SNX18: variants seen among roughly 807,000 people sequenced by gnomAD.
SNX18 encodes sorting nexin 18.
SNX18 carries 35 observed loss-of-function variants against 48.7 expected under a neutral mutation model. The ratio of observed to expected loss-of-function variants is 0.72; its 90% CI spans 0.55 to 0.95. The LOEUF (loss-of-function observed/expected upper bound fraction) is 0.95. Ranked by LOEUF, SNX18 falls within the 40% of genes least tolerant of loss-of-function variation. The pLI is 0.00. For synonymous variants in SNX18, 492 were observed against 384.7 expected, an observed-to-expected ratio of 1.28 and a Z score of -3.26; for missense variants, 824 against 871.0, an observed-to-expected ratio of 0.95 and a Z score of 0.68.
the SNX18 span, among the ~76,000 whole-genome samples, chr5:54,575,893 C>G: frequency 2.6e-5 from 4 of 152,140 alleles, no homozygotes; most frequent in African/African-American, 9.7e-5. Flanking sequence ...TAGTCCAGAC[C>G]CTTTGTCTTC....
the SNX18 span, among the ~76,000 whole-genome samples, chr5:54,577,982 A>G: frequency 6.6e-6 from 1 of 152,164 alleles, no homozygotes; most frequent in South Asian, 2.1e-4. Flanking sequence ...GTTGCTCATT[A>G]TTACACAAAA....
chr5:54,570,842 A>T, the SNX18 span, among the ~76,000 whole-genome samples: 1 of 152,174 alleles, frequency 6.6e-6, no homozygotes, highest in African/African-American at 2.4e-5. Flanking sequence ...TAAAAACTTC[A>T]GTCTGAAAGA....
the SNX18 span, among the ~76,000 whole-genome samples, chr5:54,555,500 G>T: frequency 6.6e-6 from 1 of 151,928 alleles, no homozygotes; most frequent in East Asian, 1.9e-4. Context: ...GCACATCATG[G>T]CACCTGGCTA....
the SNX18 span, among the ~76,000 whole-genome samples, chr5:54,642,217 A>G: frequency 6.6e-6 from 1 of 152,220 alleles, no homozygotes; most frequent in Non-Finnish European, 1.5e-5. Flanking sequence ...ATCTTTAACA[A>G]AACATAATTA....
the SNX18 span, among the ~76,000 whole-genome samples, chr5:54,587,614 T>C: frequency 1.3e-5 from 2 of 152,200 alleles, no homozygotes; most frequent in Non-Finnish European, 2.9e-5. Context: ...GTGCTGCCAG[T>C]GTTCCAATCC....
At chr5:54,542,835 C>T (rs1580110285) in intron 1 of SNX18, among the ~76,000 whole-genome samples, 1 of 152,288 alleles carries the variant, frequency 6.6e-6, no homozygotes, top group African/African-American at 2.4e-5. Flanking sequence ...CCTGTGAAAA[C>T]TGCAGTTTCT....
the SNX18 span, among the ~76,000 whole-genome samples, chr5:54,625,058 A>G: frequency 1.3e-5 from 2 of 152,350 alleles, no homozygotes; most frequent in African/African-American, 2.4e-5. Context: ...TATTCAGTTA[A>G]AAGAGCTTAA....
intron 1 of SNX18, among the ~76,000 whole-genome samples, chr5:54,532,858 G>A (rs540173798): frequency 4.7e-4 from 71 of 152,286 alleles, no homozygotes; most frequent in African/African-American, 1.6e-3. Context: ...TAAACTGTAT[G>A]ACTATATATG....
chr5:54,614,311 C>T, the SNX18 span, among the ~76,000 whole-genome samples: 2 of 152,096 alleles, frequency 1.3e-5, no homozygotes, highest in African/African-American at 4.8e-5. Context: ...CCTGATAAGA[C>T]CAGCAGGCAG....
chr5:54,580,565 T>G, the SNX18 span, among the ~76,000 whole-genome samples: 1 of 152,094 alleles, frequency 6.6e-6, no homozygotes, highest in African/African-American at 2.4e-5. Flanking sequence ...TTTTCTGGAG[T>G]GTGCTAAGAT....
the SNX18 span, among the ~76,000 whole-genome samples, chr5:54,572,742 G>GTATATATATATATATATA: frequency 2.4e-5 from 1 of 41,668 alleles, no homozygotes; most frequent in African/African-American, 8.8e-5. Context: ...GTGTGTGTGT[G>GTATATATATATATATATA]TGTGTGTGTG....
chr5:54,575,075 A>G, the SNX18 span, among the ~76,000 whole-genome samples: 123,817 of 152,048 alleles, frequency 0.81, 50,571 homozygotes, highest in Middle Eastern at 0.84. Flanking sequence ...GGAATAGAAT[A>G]TGGAGGAACA....
the SNX18 span, among the ~76,000 whole-genome samples, chr5:54,563,290 ACT>A: frequency 6.6e-6 from 1 of 152,238 alleles, no homozygotes; most frequent in South Asian, 2.1e-4. Flanking sequence ...TCACTCACTG[ACT>A]CACCCAGACC....
chr5:54,638,572 T>C, the SNX18 span, among the ~76,000 whole-genome samples: 2 of 152,234 alleles, frequency 1.3e-5, no homozygotes, highest in Non-Finnish European at 2.9e-5. Flanking sequence ...TTTTTATTTG[T>C]CATTTCCTGA....
the SNX18 span, among the ~76,000 whole-genome samples, chr5:54,567,910 C>A: frequency 3.9e-5 from 6 of 152,204 alleles, no homozygotes; most frequent in East Asian, 1.2e-3. Context: ...TTGGAATGTT[C>A]TGTAGGACTG....
chr5:54,615,503 C>G, the SNX18 span, among the ~76,000 whole-genome samples: 2 of 152,230 alleles, frequency 1.3e-5, no homozygotes, highest in Non-Finnish European at 2.9e-5. Context: ...GTCTGATAGA[C>G]AGACTTAGTC....
the SNX18 span, among the ~76,000 whole-genome samples, chr5:54,603,863 G>T: frequency 6.6e-6 from 1 of 152,166 alleles, no homozygotes; most frequent in Non-Finnish European, 1.5e-5. Flanking sequence ...CCTTCTATGT[G>T]CTAAATGCTA....
At chr5:54,635,808 T>C in the SNX18 span, among the ~76,000 whole-genome samples, 4 of 152,146 alleles carry the variant, frequency 2.6e-5, no homozygotes, top group Admixed American at 2.6e-4. Flanking sequence ...ATCTTGAAAT[T>C]TGTAATACTT....
chr5:54,644,069 G>C, the SNX18 span: 2 of 152,172 alleles, frequency 1.3e-5, no homozygotes, highest in Admixed American at 1.3e-4. Context: ...ATAACCTTAG[G>C]GACAATAAGC....
Sources: gnomAD v4.1 joint callset for allele counts (sites outside exome capture counted in the v4.1 genomes callset) on GRCh38, gnomAD v4.1.1 for gene constraint, MANE v1.5 for transcripts, NCBI Gene and HGNC (gene_info 2026-07-23, HGNC 2026-07-21) for gene names.